GPA33: variants seen among roughly 807,000 people sequenced by gnomAD.
The protein encoded by GPA33 is glycoprotein A33, also known as cell surface A33 antigen.
A neutral mutation model predicts 35.6 loss-of-function variants in GPA33; 27 were observed. The ratio of observed to expected loss-of-function variants is 0.76; its 90% CI spans 0.56 to 1.04. The LOEUF is 1.04. GPA33 is among the 50% of genes least tolerant of loss of function. The pLI, the probability that GPA33 is intolerant of heterozygous loss-of-function variation, is 0.00. For synonymous variants in GPA33, 176 were observed against 164.0 expected (o/e 1.07, Z -0.56); for missense variants, 428 against 411.9 (o/e 1.04, Z -0.34).
chr1:167,065,763 A>G (rs970163152), intron 3 of GPA33, among the ~76,000 whole-genome samples: 13 of 152,024 alleles, frequency 8.6e-5, no homozygotes, highest in Non-Finnish European at 1.6e-4. Flanking sequence ...GTGTGGGGCG[A>G]GCATGAGGGA....
chr1:167,068,828 C>T (rs1316640672), intron 3 of GPA33, 94 bp downstream of exon 3: 4 of 865,078 alleles, frequency 4.6e-6, no homozygotes, highest in Non-Finnish European at 7.5e-6. Context: ...CTTGTTGCTG[C>T]CTCTGGCTTC....
At chr1:167,072,816 T>G (rs967489065) in intron 2 of GPA33, among the ~76,000 whole-genome samples, 1 of 151,840 alleles carries the variant, frequency 6.6e-6, no homozygotes, top group Non-Finnish European at 1.5e-5. Flanking sequence ...CGCAAATACA[T>G]CTATAAAAAC....
At chr1:167,061,579 A>T (rs1666443172) in intron 4 of GPA33, among the ~76,000 whole-genome samples, 1 of 142,848 alleles carries the variant, frequency 7.0e-6, no homozygotes, top group South Asian at 2.2e-4. Flanking sequence ...AGTGGATTCT[A>T]CTAACTGTTT....
chr1:167,059,841 C>G (rs529579571), intron 4 of GPA33, among the ~76,000 whole-genome samples: 1 of 152,254 alleles, frequency 6.6e-6, no homozygotes, highest in African/African-American at 2.4e-5. Flanking sequence ...GAAGTCAGGA[C>G]TTCTTGTTTC....
chr1:167,082,367 G>A lies in GPA33; in HGVS notation c.43+7878C>T, dbSNP rs141969152. ...ATAAAGCCAACTAGGAGGTGAAAAA[G>A]TAGAGACAGTGAGGGCAGCCTATTT... On this transcript the variant is annotated intron_variant, in intron 1 of 6. Coordinates refer to ENST00000367868, the MANE Select transcript of GPA33 (RefSeq NM_005814.3). The A allele has an allele frequency of 2.0e-3, 903 of 453,080 alleles. 3 individuals are homozygous for A. Among genetic ancestry groups the A allele is most frequent in the African/African-American group, 0.011 (567 of 49,962 alleles). The allele number at this position is 453,080 out of a possible 1,614,324, so 28.1% of individuals were successfully genotyped here.
intron 1 of GPA33, among the ~76,000 whole-genome samples, chr1:167,080,941 C>A (rs909167004): frequency 2.0e-5 from 3 of 152,068 alleles, no homozygotes; most frequent in African/African-American, 7.2e-5. Context: ...AGAACCTATT[C>A]AATGAATTGC....
intron 3 of GPA33, among the ~76,000 whole-genome samples, chr1:167,064,870 G>A (rs879648084): frequency 6.6e-6 from 1 of 152,184 alleles, no homozygotes; most frequent in East Asian, 1.9e-4. Flanking sequence ...CAGCAGTAAA[G>A]TTATGTGCAG....
At chr1:167,059,365 C>T (rs1666382342) in intron 4 of GPA33, among the ~76,000 whole-genome samples, 1 of 152,194 alleles carries the variant, frequency 6.6e-6, no homozygotes, top group South Asian at 2.1e-4. Context: ...ACAGGACGGT[C>T]ATACGCTTCC....
chr1:167,067,389 A>G (rs960979529), intron 3 of GPA33, among the ~76,000 whole-genome samples: 6 of 152,094 alleles, frequency 3.9e-5, no homozygotes, highest in African/African-American at 1.4e-4. Flanking sequence ...GGCTTGAGCT[A>G]CCGCACCCGA....
chr1:167,079,061 A>G (rs180715144), intron 1 of GPA33, among the ~76,000 whole-genome samples: 25 of 152,236 alleles, frequency 1.6e-4, no homozygotes, highest in Admixed American at 5.9e-4. Context: ...CTGTCAAAAA[A>G]GAATAGTAAT....
chr1:167,072,434 T>C (rs931641684), intron 2 of GPA33, among the ~76,000 whole-genome samples: 3 of 152,220 alleles, frequency 2.0e-5, no homozygotes, highest in African/African-American at 7.2e-5. Context: ...GTCCTCACTG[T>C]TGGTGGTGAA....
chr1:167,085,841 C>T (rs926127648), intron 1 of GPA33, among the ~76,000 whole-genome samples: 2 of 152,192 alleles, frequency 1.3e-5, no homozygotes, highest in Non-Finnish European at 2.9e-5. Flanking sequence ...AGTTCCAATT[C>T]GTCTCTACAC....
At chr1:167,084,570 T>C (rs1019982488) in intron 1 of GPA33, among the ~76,000 whole-genome samples, 15 of 152,250 alleles carry the variant, frequency 9.9e-5, no homozygotes, top group African/African-American at 3.6e-4. Flanking sequence ...CCTAAGAAAC[T>C]AGCAGCTTTA....
Position 167,073,550 on chromosome 1 carries a change from A to C in GPA33, c.44-11T>G. ...CGACGGTCACCCTGACTGGAAAGAA[A>C]GTAGGCAGTGGAAGGGAAAAGTAAG... On this transcript the variant is annotated splice_polypyrimidine_tract_variant and intron_variant, in intron 1 of 6. Transcript: ENST00000367868. 1 of 1,612,486 alleles carries C rather than the reference A, an allele frequency of 6.2e-7. No individual in the cohort carries two copies. The highest frequency in any genetic ancestry group is 1.1e-5 in the South Asian group (1 of 90,900).
intron 1 of GPA33, among the ~76,000 whole-genome samples, chr1:167,083,697 G>C (rs1666998521): frequency 6.6e-6 from 1 of 152,162 alleles, no homozygotes; most frequent in Admixed American, 6.5e-5. Flanking sequence ...TTTGAGCTGA[G>C]ATTGAAATAT....
intron 2 of GPA33, 62 bp from the exon 3 acceptor site, chr1:167,069,200 C>T (rs957755451): frequency 1.4e-5 from 16 of 1,113,432 alleles, no homozygotes; most frequent in Non-Finnish European, 1.9e-5. Context: ...TGCTTCCAGC[C>T]TGCCCTGACT....
At chr1:167,073,050 A>C (rs1666751424) in intron 2 of GPA33, among the ~76,000 whole-genome samples, 1 of 152,210 alleles carries the variant, frequency 6.6e-6, no homozygotes, top group South Asian at 2.1e-4. Flanking sequence ...ACTTCCCAAA[A>C]GAATCCAAAC....
chr1:167,072,283 C>T (rs1192085296), intron 2 of GPA33, among the ~76,000 whole-genome samples: 1 of 152,168 alleles, frequency 6.6e-6, no homozygotes, highest in Admixed American at 6.5e-5. Flanking sequence ...AAAAGAAGAC[C>T]TCACTTTTAA....
At chr1:167,082,131 G>A in intron 1 of GPA33, 1 of 398,372 alleles carries the variant, frequency 2.5e-6, no homozygotes, top group Non-Finnish European at 4.9e-6. Flanking sequence ...GAATAAAGCA[G>A]GATGCAAAAC....
Sources: allele counts gnomAD v4.1 joint callset (sites outside exome capture counted in the v4.1 genomes callset), GRCh38; gene constraint gnomAD v4.1.1; transcripts MANE v1.5; gene names NCBI Gene and HGNC (gene_info 2026-07-23, HGNC 2026-07-21).